The following CEP152 variants were observed in gnomAD, a reference collection of about 807,000 sequenced individuals.
The protein encoded by CEP152 is centrosomal protein of 152 kDa.
In CEP152, 132 loss-of-function variants were observed where a neutral mutation model predicts 188.9. The ratio of observed to expected loss-of-function variants is 0.70; its 90% CI spans 0.61 to 0.81. CEP152 has a LOEUF of 0.81. Ranked by LOEUF, CEP152 falls within the 30% of genes least tolerant of loss-of-function variation. The pLI is 0.00. For synonymous variants in CEP152, 649 were observed against 666.6 expected, an observed-to-expected ratio of 0.97 and a Z score of 0.41; for missense variants, 1,914 against 1,969.8, an observed-to-expected ratio of 0.97 and a Z score of 0.54.
At chr15:48,760,319 G>C (rs1894588789) in intron 18 of CEP152, 53 bp from the exon 19 acceptor site, 3 of 1,603,036 alleles carry the variant, frequency 1.9e-6, no homozygotes, top group Non-Finnish European at 2.6e-6. Context: ...ACTTAAAAAA[G>C]ATCCCATTTT....
intron 12 of CEP152, among the ~76,000 whole-genome samples, chr15:48,779,025 T>C (rs555937426): frequency 7.9e-5 from 12 of 151,676 alleles, no homozygotes; most frequent in Middle Eastern, 6.9e-3. Context: ...GGTAGCAGAA[T>C]ATGTTTTAAT....
chr15:48,738,955 T>G lies in CEP152; in HGVS notation c.4427A>C (p.His1476Pro). Residue 1476 changes from histidine (H) to proline (P), a missense_variant, in exon 27 of 27, where the codon CAC becomes CCC. Coordinates refer to ENST00000380950, the MANE Select transcript of CEP152 (RefSeq NM_001194998.2). ...PCEGEGGFGL[H>P]KKKDLLSDNG... is the part of the protein sequence containing the mutation. ...ATCACTGAGTAGGTCTTTCTTCTTG[T>G]GCAAACCAAAGCCTCCTTCACCTTC... 1.9e-6 allele frequency: 3 copies of G among 1,613,992 alleles called. No homozygotes were observed. The highest frequency in any genetic ancestry group is 2.5e-6 in the Non-Finnish European group (3 of 1,179,892).
At chr15:48,802,310 C>G (rs1324831228) in intron 2 of CEP152, among the ~76,000 whole-genome samples, 1 of 152,152 alleles carries the variant, frequency 6.6e-6, no homozygotes, top group Non-Finnish European at 1.5e-5. Flanking sequence ...CAGCAGCTCT[C>G]AAGTGGTACA....
Position 48,783,959 on chromosome 15 carries a change from TA to T in CEP152, c.1321+13del, listed in dbSNP as rs1896448727. On this transcript the variant is annotated intron_variant, in intron 10 of 26. Transcript: ENST00000380950. The stretch of plus-strand genomic sequence containing the variant: ...CAACCTTCTGGGGAGACAGTGGACC[TA>T]CCAGACACCTACCGGACTGCAACAA... 6.2e-7 allele frequency: 1 copy of T among 1,613,704 alleles called. No homozygotes were observed. Among genetic ancestry groups the T allele is most frequent in the Non-Finnish European group, 8.5e-7 (1 of 1,179,772 alleles).
In CEP152 at chr15:48,748,497, T is replaced by C. The variant is rs1893631356; in HGVS notation, c.3580A>G (p.Arg1194Gly). 3.9e-6 allele frequency: 6 copies of C among 1,534,942 alleles called. No homozygotes were observed. The highest frequency in any genetic ancestry group is 5.2e-6 in the Non-Finnish European group (6 of 1,146,332). ...TTCCTTTCTAAATGCTGAAGATGCCTACAGCATTTCTCCAGTTTTCCTTTC... is the reference window on the plus strand; with the variant it reads ...TTCCTTTCTAAATGCTGAAGATGCCCACAGCATTTCTCCAGTTTTCCTTTC... ...DLKGKLEKCC[R>G]HLQHLERKHK... Residue 1194 changes from arginine (R) to glycine (G), a missense_variant, in exon 22 of 27, where the codon AGG becomes GGG. Arg to Gly is a moderately radical substitution (Grantham distance 125). Transcript: ENST00000380950.
chr15:48,738,791 G>C lies in CEP152; in HGVS notation c.4591C>G (p.Leu1531Val). 1 of 1,614,170 alleles carries C rather than the reference G, an allele frequency of 6.2e-7. No individual in the cohort carries two copies. ...HITFRDSNER[L>V]GLKVYKCNPL... ...TTGCATTTATATACTTTTAAACCAA[G>C]TCTTTCATTAGAATCGCGAAAGGTT... The change falls in exon 27 of 27, where the codon CTT becomes GTT. Residue 1531 changes from leucine to valine, a missense_variant. Leu to Val is a conservative substitution (Grantham distance 32). Coordinates refer to ENST00000380950, the MANE Select transcript of CEP152 (RefSeq NM_001194998.2).
intron 13 of CEP152, among the ~76,000 whole-genome samples, chr15:48,769,518 T>C (rs1895378845): frequency 6.6e-6 from 1 of 152,226 alleles, no homozygotes; most frequent in Admixed American, 6.5e-5. Context: ...ATCTTTGGCA[T>C]GCATGTCAAG....
intron 1 of CEP152, chr15:48,810,636 A>G (rs1313731220): frequency 1.3e-5 from 2 of 152,320 alleles, no homozygotes; most frequent in African/African-American, 2.4e-5. Flanking sequence ...CGGTCAACAC[A>G]CGTGCACAGA....
intron 12 of CEP152, among the ~76,000 whole-genome samples, chr15:48,775,363 T>C (rs968105989): frequency 1.3e-5 from 2 of 151,806 alleles, no homozygotes; most frequent in African/African-American, 4.8e-5. Flanking sequence ...ATAATCAAAG[T>C]ACCAAAAACT....
chr15:48,744,632 T>C (rs946742394), intron 23 of CEP152, among the ~76,000 whole-genome samples: 3 of 152,140 alleles, frequency 2.0e-5, no homozygotes, highest in Non-Finnish European at 4.4e-5. Flanking sequence ...TATCTAGTAA[T>C]ATTAATAAAA....
rs777337799 is a variant in CEP152 at position 48,738,680 on chromosome 15, G to A, written c.4702C>T (p.Leu1568Phe). The stretch of plus-strand genomic sequence containing the variant: ...GAAGGCCAGCCCAAGCAGTCACTAA[G>A]GTCCCCTCCATCTTTTACTGGAGGT... ...QEPPVKDGGD[L>F]SDCLGWPSSS... The change falls in exon 27 of 27, where the codon CTT (leucine) becomes TTT (phenylalanine). Residue 1568 changes from leucine (L) to phenylalanine (F), a missense_variant. Leu to Phe is a conservative substitution (Grantham distance 22). Coordinates refer to ENST00000380950, the MANE Select transcript of CEP152 (RefSeq NM_001194998.2). 1.7e-5 allele frequency: 27 copies of A among 1,614,052 alleles called. No individual in the cohort carries two copies. The highest frequency in any genetic ancestry group is 2.3e-5 in the Non-Finnish European group (27 of 1,180,034).
Position 48,798,002 on chromosome 15 carries a change from A to G in CEP152, c.137T>C (p.Leu46Pro). 1.2e-6 allele frequency: 2 copies of G among 1,614,050 alleles called. No homozygotes were observed. Among genetic ancestry groups the G allele is most frequent in the Non-Finnish European group, 1.7e-6 (2 of 1,179,966 alleles). Residue 46 changes from leucine to proline, a missense_variant, in exon 3 of 27, where the codon CTC becomes CCC. Leu to Pro is a moderately conservative substitution (Grantham distance 98). Transcript: ENST00000380950. The stretch of plus-strand genomic sequence containing the variant: ...CGAATACTGGAGCTCTGGAGAGGAG[A>G]GGTCGTCATCCAGCATGTCATGGGG... ...DLPHDMLDDD[L>P]SSPELQYSDC...
At chr15:48,775,922 T>TA (rs11292546) in intron 12 of CEP152, among the ~76,000 whole-genome samples, 38 of 149,790 alleles carry the variant, frequency 2.5e-4, no homozygotes, top group African/African-American at 8.6e-4. Flanking sequence ...AATAAAACAG[T>TA]AAAAAAAAAA....
rs146471066 is a variant in CEP152, at chr15:48,745,452, T to TTG, written c.3635-462_3635-461dup. Reference sequence around the variant, plus strand: ...TGTAAGATTTTCAATTCTTTGAACTTTGTGTGTGTGTGTGTGTGTGTGAGC... The same window carrying TTG: ...TGTAAGATTTTCAATTCTTTGAACTTTGTGTGTGTGTGTGTGTGTGTGTGAGC... On this transcript the variant is annotated intron_variant, in intron 22 of 26. Transcript: ENST00000380950. Among the ~76,000 whole-genome samples the TTG allele has an allele frequency of 3.3e-3, 499 of 150,160 alleles. 1 individual carries two copies. Among genetic ancestry groups the TTG allele is most frequent in the Middle Eastern group, 0.01 (3 of 288 alleles).
intron 9 of CEP152, 35 bp from the exon 10 acceptor site, chr15:48,784,155 T>C (rs773741675): frequency 3.8e-6 from 6 of 1,587,812 alleles, no homozygotes; most frequent in East Asian, 2.3e-5. Flanking sequence ...GTCATTTTCA[T>C]AAAGAGTTTT....
intron 10 of CEP152, chr15:48,783,272 A>G (rs1265097253): frequency 2.6e-5 from 4 of 152,210 alleles, no homozygotes; most frequent in Non-Finnish European, 4.4e-5. Context: ...TGCTGAAACT[A>G]AAATGATAGG....
intron 19 of CEP152, among the ~76,000 whole-genome samples, chr15:48,757,359 A>G (rs1894350474): frequency 6.6e-6 from 1 of 152,218 alleles, no homozygotes; most frequent in African/African-American, 2.4e-5. Context: ...ATCCTTTAGG[A>G]TTAAATGACA....
chr15:48,787,953 C>T (rs1162318119), intron 9 of CEP152, among the ~76,000 whole-genome samples: 2 of 152,160 alleles, frequency 1.3e-5, no homozygotes, highest in Non-Finnish European at 2.9e-5. Context: ...ATGCAAATCT[C>T]ATTAAGTCTA....
intron 5 of CEP152, among the ~76,000 whole-genome samples, chr15:48,796,683 T>C (rs1595694856): frequency 6.6e-6 from 1 of 152,166 alleles, no homozygotes; most frequent in East Asian, 1.9e-4. Context: ...TGTCATTGCG[T>C]GACACAGACT....
Sources: gnomAD v4.1 joint callset for allele counts (sites outside exome capture counted in the v4.1 genomes callset) on GRCh38, gnomAD v4.1.1 for gene constraint, MANE v1.5 for transcripts, NCBI Gene and HGNC (gene_info 2026-07-23, HGNC 2026-07-21) for gene names.